The following ADCY2 variants were observed in gnomAD, a reference collection of about 807,000 sequenced individuals.
ADCY2 encodes the protein adenylate cyclase 2.
A neutral mutation model predicts 125.2 loss-of-function variants in ADCY2; 31 were observed. The observed-to-expected ratio is 0.25, with a 90% CI of 0.19 to 0.33. ADCY2 has a LOEUF of 0.33. ADCY2 is among the 10% of genes least tolerant of loss of function. ADCY2 has a pLI of 1.00. For missense variants in ADCY2, 904 were observed against 1,418.2 expected (o/e 0.64, Z 5.82); for synonymous variants, 512 against 548.4 (o/e 0.93, Z 0.93).
At chr5:7,592,621 A>G (rs1174610019) in intron 3 of ADCY2, among the ~76,000 whole-genome samples, 1 of 152,192 alleles carries the variant, frequency 6.6e-6, no homozygotes, top group Non-Finnish European at 1.5e-5. Context: ...GTAAAATAGT[A>G]AGGAAGACCT....
intron 2 of ADCY2, among the ~76,000 whole-genome samples, chr5:7,460,832 C>T (rs531867171): frequency 8.5e-5 from 13 of 152,208 alleles, no homozygotes; most frequent in Non-Finnish European, 1.8e-4. Context: ...AGTAGTTGGA[C>T]GTGGTGATGG....
At chr5:7,824,782 C>T (rs1400896562) in intron 24 of ADCY2, among the ~76,000 whole-genome samples, 6 of 152,160 alleles carry the variant, frequency 3.9e-5, no homozygotes, top group Non-Finnish European at 7.3e-5. Context: ...TTGAGATCTG[C>T]GCATGGAGGA....
rs138297431 is a variant in ADCY2 at position 7,431,038 on chromosome 5, A to T, written c.408+16268A>T. 9.2e-4 allele frequency among the ~76,000 whole-genome samples: 140 copies of T among 152,266 alleles called. 1 individual carries two copies. The highest frequency in any genetic ancestry group is 3.2e-3 in the African/African-American group (132 of 41,556). ...AATTGAAGTCCCAGCAAGCTTTTTCATAGAGAGTAGGAAGCTGGTTCTAAA... is the reference window on the plus strand; with the variant it reads ...AATTGAAGTCCCAGCAAGCTTTTTCTTAGAGAGTAGGAAGCTGGTTCTAAA... On this transcript the variant is annotated intron_variant, in intron 2 of 24. Transcript: ENST00000338316.
intron 5 of ADCY2, chr5:7,691,401 T>C (rs1380854108): frequency 7.2e-5 from 11 of 152,272 alleles, no homozygotes; most frequent in African/African-American, 2.7e-4. Flanking sequence ...GAGACTGGTA[T>C]ACTCATATCT....
At chr5:7,495,646 G>C (rs1052205707) in intron 2 of ADCY2, among the ~76,000 whole-genome samples, 1 of 152,172 alleles carries the variant, frequency 6.6e-6, no homozygotes, top group Non-Finnish European at 1.5e-5. Flanking sequence ...TTCTTAAATA[G>C]TGTTTTATTT....
At chr5:7,730,782 T>G (rs1370553448) in intron 14 of ADCY2, among the ~76,000 whole-genome samples, 2 of 152,050 alleles carry the variant, frequency 1.3e-5, no homozygotes, top group Non-Finnish European at 1.5e-5. Flanking sequence ...TTCTAGGGAG[T>G]CTGTCTTTCC....
At chr5:7,477,384 AC>A (rs1330854867) in intron 2 of ADCY2, among the ~76,000 whole-genome samples, 1 of 152,246 alleles carries the variant, frequency 6.6e-6, no homozygotes, top group Non-Finnish European at 1.5e-5. Flanking sequence ...TTAAAGGAAT[AC>A]ATAGATGAAG....
At chr5:7,727,712 C>G (rs1472176947) in intron 14 of ADCY2, among the ~76,000 whole-genome samples, 1 of 151,930 alleles carries the variant, frequency 6.6e-6, no homozygotes, top group Non-Finnish European at 1.5e-5. Flanking sequence ...GTTACACGGC[C>G]CTCTCTTCTC....
intron 3 of ADCY2, among the ~76,000 whole-genome samples, chr5:7,563,512 C>A (rs985262744): frequency 6.6e-6 from 1 of 152,156 alleles, no homozygotes; most frequent in African/African-American, 2.4e-5. Flanking sequence ...AATGTGCAGG[C>A]TGCATGTATT....
intron 2 of ADCY2, among the ~76,000 whole-genome samples, chr5:7,505,779 G>A (rs1037428493): frequency 2.0e-5 from 3 of 151,996 alleles, no homozygotes; most frequent in Non-Finnish European, 2.9e-5. Flanking sequence ...AGTATAAAAC[G>A]GAGTCCCAAA....
At chr5:7,485,115 A>G (rs1461113232) in intron 2 of ADCY2, among the ~76,000 whole-genome samples, 1 of 152,204 alleles carries the variant, frequency 6.6e-6, no homozygotes, top group Non-Finnish European at 1.5e-5. Flanking sequence ...AACTAAATTC[A>G]GTGGACCAAT....
intron 18 of ADCY2, among the ~76,000 whole-genome samples, chr5:7,780,224 G>GT (rs1182266667): frequency 3.3e-5 from 5 of 152,210 alleles, no homozygotes; most frequent in African/African-American, 1.2e-4. Flanking sequence ...TTTCTGGGGT[G>GT]TTTTATCTTG....
At chr5:7,638,525 C>T (rs547243293) in intron 4 of ADCY2, among the ~76,000 whole-genome samples, 7 of 152,302 alleles carry the variant, frequency 4.6e-5, no homozygotes, top group African/African-American at 1.4e-4. Context: ...ACACTCCTGG[C>T]ATGAGGCATG....
chr5:7,529,495 A>G (rs1348793138), intron 3 of ADCY2, among the ~76,000 whole-genome samples: 1 of 152,198 alleles, frequency 6.6e-6, no homozygotes, highest in Non-Finnish European at 1.5e-5. Context: ...CCCAATGGCC[A>G]GACTCTGGGC....
At chr5:7,824,847 C>T (rs909445827) in intron 24 of ADCY2, among the ~76,000 whole-genome samples, 8 of 152,198 alleles carry the variant, frequency 5.3e-5, no homozygotes, top group African/African-American at 1.7e-4. Context: ...ATGAGCACAG[C>T]CCCTCATGGT....
chr5:7,645,960 C>G (rs142755561), intron 4 of ADCY2, among the ~76,000 whole-genome samples: 1 of 152,088 alleles, frequency 6.6e-6, no homozygotes, highest in East Asian at 1.9e-4. Context: ...AATTTATATG[C>G]GAAGTCAAAC....
At chr5:7,682,468 A>G (rs1343721592) in intron 4 of ADCY2, among the ~76,000 whole-genome samples, 2 of 152,114 alleles carry the variant, frequency 1.3e-5, no homozygotes, top group Non-Finnish European at 2.9e-5. Flanking sequence ...TCTTATACTC[A>G]TGATGGTTTT....
chr5:7,412,070 G>A (rs910149420), intron 1 of ADCY2, among the ~76,000 whole-genome samples: 5 of 142,918 alleles, frequency 3.5e-5, no homozygotes, highest in African/African-American at 1.0e-4. Context: ...GCGAGACTCC[G>A]TCTCAAAAAA....
At position 7,418,647 on chromosome 5, in the gene ADCY2, G is replaced by GTTTTTTTTTTTTTTTTTTTTT. The variant is rs869287430; in HGVS notation, c.408+3883_408+3903dup. On this transcript the variant is annotated intron_variant, in intron 2 of 24. Coordinates refer to ENST00000338316, the MANE Select transcript of ADCY2 (RefSeq NM_020546.3). ...AATTAAAAACAAAAGTCTACCTTCT[G>GTTTTTTTTTTTTTTTTTTTTT]TTTTTTTTTTTTTTTTTTTTTTTTT... is the stretch of plus-strand genomic sequence containing the variant. Among the ~76,000 whole-genome samples, 26 of 73,766 alleles carry GTTTTTTTTTTTTTTTTTTTTT rather than the reference G, an allele frequency of 3.5e-4. 3 individuals carry two copies. Among genetic ancestry groups the GTTTTTTTTTTTTTTTTTTTTT allele is most frequent in the African/African-American group, 5.6e-4 (9 of 16,070 alleles). The allele number at this position is 73,766 out of a possible 152,430, so 48.4% of individuals were successfully genotyped here. A position where few individuals can be genotyped will look rare whatever the true frequency, so the allele number is the denominator to read the frequency against.
Sources: gnomAD v4.1 joint callset for allele counts (sites outside exome capture counted in the v4.1 genomes callset) on GRCh38, gnomAD v4.1.1 for gene constraint, MANE v1.5 for transcripts, NCBI Gene and HGNC (gene_info 2026-07-23, HGNC 2026-07-21) for gene names.